Variants in UST observed in about 807,000 individuals in gnomAD.
UST encodes uronyl 2-sulfotransferase, also known as chondroitin sulfate 2-O-sulfotransferase.
UST carries 21 observed loss-of-function variants against 45.6 expected under a neutral mutation model. That is an observed-to-expected ratio of 0.46 (90% CI 0.33 to 0.66). The LOEUF is 0.66. Among genes scored for constraint, UST ranks in the 30% least tolerant of loss-of-function variants. The probability of loss-of-function intolerance (pLI) is 0.02; values close to 1 mark genes in which losing one functional copy is unlikely to be tolerated. For missense variants in UST, 463 were observed against 512.4 expected, an observed-to-expected ratio of 0.90 and a Z score of 0.93; for synonymous variants, 215 against 200.6, an observed-to-expected ratio of 1.07 and a Z score of -0.61.
chr6:148,974,746 T>TCTGGGAGCC (rs1267329472), intron 5 of UST, among the ~76,000 whole-genome samples: 1 of 152,270 alleles, frequency 6.6e-6, no homozygotes, highest in African/African-American at 2.4e-5. Flanking sequence ...CCCAGCCGCC[T>TCTGGGAGCC]AATGGGTAAG....
intron 5 of UST, among the ~76,000 whole-genome samples, chr6:148,975,014 T>C (rs1330793953): frequency 6.6e-6 from 1 of 152,198 alleles, no homozygotes; most frequent in Non-Finnish European, 1.5e-5. Context: ...GACAAAGTTA[T>C]CAAGTTCAAC....
intron 1 of UST, among the ~76,000 whole-genome samples, chr6:148,874,533 A>G (rs909059205): frequency 1.3e-5 from 2 of 152,220 alleles, no homozygotes; most frequent in African/African-American, 2.4e-5. Context: ...TGAGATCAAG[A>G]AAGTACTTTT....
At chr6:148,861,184 G>C (rs1778304839) in intron 1 of UST, among the ~76,000 whole-genome samples, 1 of 152,094 alleles carries the variant, frequency 6.6e-6, no homozygotes. Context: ...ATCTGTTATT[G>C]GTCTATTCAG....
chr6:148,933,342 T>C (rs890430414), intron 2 of UST, among the ~76,000 whole-genome samples: 1 of 152,342 alleles, frequency 6.6e-6, no homozygotes, highest in Admixed American at 6.5e-5. Context: ...AGATTATTTT[T>C]ATTAATTATC....
chr6:148,993,182 G>A (rs557244960), intron 5 of UST: 32 of 517,186 alleles, frequency 6.2e-5, no homozygotes, highest in Middle Eastern at 9.6e-4. Context: ...GCAAGAAAGT[G>A]GAATAAGAAG....
intron 1 of UST, among the ~76,000 whole-genome samples, chr6:148,753,648 G>A (rs1244115496): frequency 6.6e-6 from 1 of 152,108 alleles, no homozygotes; most frequent in Non-Finnish European, 1.5e-5. Flanking sequence ...TGTGTTGCAA[G>A]CTTTTGTTTC....
At chr6:148,767,707 G>A (rs967560256) in intron 1 of UST, among the ~76,000 whole-genome samples, 1 of 152,028 alleles carries the variant, frequency 6.6e-6, no homozygotes, top group Non-Finnish European at 1.5e-5. Context: ...GTTAATACAT[G>A]CTCATTGTAA....
At chr6:148,994,970 A>G (rs1305366060) in intron 5 of UST, among the ~76,000 whole-genome samples, 5 of 152,100 alleles carry the variant, frequency 3.3e-5, no homozygotes, top group Non-Finnish European at 5.9e-5. Context: ...GCATTTTCAC[A>G]TATTTTTTCT....
chr6:148,888,510 A>G (rs926382029), intron 2 of UST, among the ~76,000 whole-genome samples: 4 of 152,204 alleles, frequency 2.6e-5, no homozygotes, highest in African/African-American at 7.2e-5. Context: ...ACAGTGGATG[A>G]ATTACTTAAT....
chr6:149,056,117 C>CTTTTCTTTTTTT (rs1562341621), intron 7 of UST, among the ~76,000 whole-genome samples: 1 of 81,088 alleles, frequency 1.2e-5, no homozygotes, highest in Non-Finnish European at 2.3e-5. Context: ...CTTTTCTTTT[C>CTTTTCTTTTTTT]TTTTTTTTTT....
At chr6:148,811,224 A>T (rs1033748603) in intron 1 of UST, among the ~76,000 whole-genome samples, 6 of 152,128 alleles carry the variant, frequency 3.9e-5, no homozygotes, top group Non-Finnish European at 8.8e-5. Flanking sequence ...TTGGTCTGGG[A>T]GTAGTTGGCT....
In UST at chr6:148,748,272, C is replaced by G. The variant is rs556870899; in HGVS notation, c.247+595C>G. Among the ~76,000 whole-genome samples the G allele has an allele frequency of 1.2e-4, 19 of 152,250 alleles. No homozygotes were observed. The highest frequency in any genetic ancestry group is 4.3e-4 in the African/African-American group (18 of 41,552). On this transcript the variant is annotated intron_variant, in intron 1 of 7. Transcript: ENST00000367463. This position sits in a 1 kb window ranked among gnomAD's most constrained non-coding sequence, Gnocchi z 5.3. Reference sequence around the variant, plus strand: ...ACCCCGCCGCCCGCAGCTAGCCTGGCGCGGGGAACGGGTTGCATCCAGGGG... The same window carrying G: ...ACCCCGCCGCCCGCAGCTAGCCTGGGGCGGGGAACGGGTTGCATCCAGGGG...
At chr6:149,073,263 T>C (rs919257470) in intron 7 of UST, among the ~76,000 whole-genome samples, 22 of 152,222 alleles carry the variant, frequency 1.4e-4, no homozygotes, top group African/African-American at 5.1e-4. Context: ...GGTGAGAACC[T>C]GTCTCTACAA....
chr6:148,920,386 C>T lies in UST; in HGVS notation c.292-20893C>T, dbSNP rs75149097. On this transcript the variant is annotated intron_variant, in intron 2 of 7. Transcript: ENST00000367463. ...CCAGCCTCGCCCCCACCACTCCATC[C>T]TCCACACTGGCCAATGTGGTCTCTC... Among the ~76,000 whole-genome samples the T allele has an allele frequency of 6.0e-3, 915 of 152,270 alleles. 9 individuals carry two copies. The highest frequency in any genetic ancestry group is 0.021 in the African/African-American group (881 of 41,546).
intron 5 of UST, among the ~76,000 whole-genome samples, chr6:148,976,540 G>A (rs970100076): frequency 1.3e-5 from 2 of 152,094 alleles, no homozygotes; most frequent in East Asian, 1.9e-4. Context: ...CAATTCCTCC[G>A]CCCTTCACCT....
intron 1 of UST, among the ~76,000 whole-genome samples, chr6:148,798,100 G>C (rs1288520416): frequency 6.6e-6 from 1 of 152,154 alleles, no homozygotes; most frequent in Non-Finnish European, 1.5e-5. Flanking sequence ...GCTGGGGGCA[G>C]ATATACAAGT....
chr6:148,828,697 C>A (rs1777620488), intron 1 of UST, among the ~76,000 whole-genome samples: 1 of 152,082 alleles, frequency 6.6e-6, no homozygotes, highest in South Asian at 2.1e-4. Flanking sequence ...AAAGTATTTG[C>A]AATGATGATG....
At chr6:148,820,852 C>CA (rs1212781868) in intron 1 of UST, among the ~76,000 whole-genome samples, 7,897 of 66,504 alleles carry the variant, frequency 0.12, 421 homozygotes, top group African/African-American at 0.22. Flanking sequence ...GACTCCATCT[C>CA]AAAAAAAAAA....
Position 148,815,689 on chromosome 6 carries a change from A to G in UST, c.247+68012A>G, listed in dbSNP as rs1022499256. Among the ~76,000 whole-genome samples, 10 of 152,368 alleles carry G rather than the reference A, an allele frequency of 6.6e-5. No individual in the cohort carries two copies. The East Asian group carries it at 1.7e-3, about 26-fold the overall frequency. On this transcript the variant is annotated intron_variant, in intron 1 of 7. Transcript: ENST00000367463. Reference sequence around the variant, plus strand: ...GAAAGAAAAACAAAAACAAAAAAAGAGTTCAGAACAAATAGTGGTCTTGGT... The same window carrying G: ...GAAAGAAAAACAAAAACAAAAAAAGGGTTCAGAACAAATAGTGGTCTTGGT...
Sources: allele counts gnomAD v4.1 joint callset (sites outside exome capture counted in the v4.1 genomes callset), GRCh38; gene constraint gnomAD v4.1.1; non-coding constraint Gnocchi (gnomAD v3.1); transcripts MANE v1.5; gene names NCBI Gene and HGNC (gene_info 2026-07-23, HGNC 2026-07-21).